Variants in TBC1D17 observed in about 807,000 individuals in gnomAD.
TBC1D17 encodes the protein TBC1 domain family member 17.
A neutral mutation model predicts 78.8 loss-of-function variants in TBC1D17; 69 were observed. The observed-to-expected ratio is 0.88, with a 90% CI of 0.72 to 1.07. The LOEUF is 1.07. Among genes scored for constraint, TBC1D17 ranks in the 50% least tolerant of loss-of-function variants. The pLI is 0.00. For missense variants in TBC1D17, 957 were observed against 861.0 expected (o/e 1.11, Z -1.39); for synonymous variants, 456 against 358.3 (o/e 1.27, Z -3.08).
chr19:49,887,171 G>T, intron 13 of TBC1D17: 1 of 404,292 alleles, frequency 2.5e-6, no homozygotes, highest in Non-Finnish European at 4.7e-6. Context: ...GTATCTAGGA[G>T]TGTCAGTTCC....
At chr19:49,885,974 CAAAA>C (rs972298479) in intron 13 of TBC1D17, among the ~76,000 whole-genome samples, 5 of 43,538 alleles carry the variant, frequency 1.1e-4, no homozygotes, top group South Asian at 7.9e-4. Flanking sequence ...GACCTTGCCT[CAAAA>C]AAAAAAAAAA....
chr19:49,880,894 C>T (rs2075006845), intron 4 of TBC1D17, among the ~76,000 whole-genome samples: 1 of 152,152 alleles, frequency 6.6e-6, no homozygotes, highest in South Asian at 2.1e-4. Context: ...GGCAGGCGGC[C>T]CCCGTGTGTT....
At position 49,887,753 on chromosome 19, in the gene TBC1D17, C is replaced by T; in HGVS notation, c.1578C>T (p.His526=). ...CAGGGCTCCCTGGCCCCAATCTGCA[C>T]CTGCTGGTGGCCTGCGCCATCCTGG... ...LWTGLPGPNL[H]LLVACAILDM... is the part of the protein sequence containing the mutation. The change falls in exon 15 of 17, where the codon CAC becomes CAT. Residue 526 remains histidine (H), a synonymous_variant. Coordinates refer to ENST00000221543, the MANE Select transcript of TBC1D17 (RefSeq NM_024682.3). 1 of 1,613,682 alleles carries T rather than the reference C, an allele frequency of 6.2e-7. No homozygotes were observed. The highest frequency in any genetic ancestry group is 8.5e-7 in the Non-Finnish European group (1 of 1,179,934).
intron 3 of TBC1D17, chr19:49,879,048 C>G (rs1454401902): frequency 6.3e-6 from 1 of 157,632 alleles, no homozygotes; most frequent in Non-Finnish European, 1.4e-5. Context: ...CACCTAAGCC[C>G]TGACCCTTAC....
chr19:49,882,287 C>T lies in TBC1D17; in HGVS notation c.685C>T (p.Arg229Ter), dbSNP rs1444014043. Residue 229 changes from arginine (R) to a stop codon, truncating the protein, a stop_gained, in exon 7 of 17, where the codon CGA becomes TGA. Coordinates refer to ENST00000221543, the MANE Select transcript of TBC1D17 (RefSeq NM_024682.3). LOFTEE classifies it high-confidence loss of function. ...CTCCACCACCTTCAGCAGCTTCTCC[C>T]GAGTGACCAACTTCTTCCGGGGTGC... ...PYSTTFSSFS[R>*]VTNFFRGALQ... is the part of the protein sequence containing the mutation. 2.5e-6 allele frequency: 4 copies of T among 1,612,236 alleles called. No homozygotes were observed. The highest frequency in any genetic ancestry group is 2.5e-6 in the Non-Finnish European group (3 of 1,180,000).
At position 49,887,822 on chromosome 19, in the gene TBC1D17, T is replaced by C; in HGVS notation, c.1647T>C (p.Asn549=). ...DTLMLSGFGS[N]EILKHINELT... ...TCATGCTGTCCGGCTTCGGCTCCAA[T>C]GAGATCCTCAAGGTGAGGCTCCGGC... Residue 549 remains asparagine, a synonymous_variant, in exon 15 of 17, where the codon AAT becomes AAC. Transcript: ENST00000221543. 3 of 1,609,726 alleles carry C rather than the reference T, an allele frequency of 1.9e-6. No individual in the cohort carries two copies. The highest frequency in any genetic ancestry group is 2.5e-6 in the Non-Finnish European group (3 of 1,178,610).
chr19:49,877,994 C>G (rs191131513), intron 1 of TBC1D17, 149 bp from the exon 2 acceptor site: 78 of 761,342 alleles, frequency 1.0e-4, no homozygotes, highest in Admixed American at 3.2e-4. Flanking sequence ...CGAACGCGGG[C>G]TGGACCATTC....
chr19:49,882,438 G>C, intron 7 of TBC1D17, 38 bp downstream of exon 7: 3 of 1,579,476 alleles, frequency 1.9e-6, no homozygotes, highest in Non-Finnish European at 2.6e-6. Context: ...ATTTCTGGCC[G>C]TGTCTCCCTG....
Position 49,878,529 on chromosome 19 carries a change from T to A in TBC1D17, c.152T>A (p.Val51Glu), listed in dbSNP as rs1258476854. The A allele has an allele frequency of 1.2e-6, 2 of 1,614,158 alleles. No individual in the cohort carries two copies. The highest frequency in any genetic ancestry group is 2.2e-5 in the East Asian group (1 of 44,886). Residue 51 changes from valine (V) to glutamate (E), a missense_variant, in exon 3 of 17, where the codon GTA becomes GAA. Coordinates refer to ENST00000221543, the MANE Select transcript of TBC1D17 (RefSeq NM_024682.3). ...GACGTCCTCCTGCACTGGGCTCCTG[T>A]AGAGGAGGCTGGAGATTCCACCCAA... ...DNDVLLHWAPVEEAGDSTQIL... is the reference protein window; with the variant it reads ...DNDVLLHWAPEEEAGDSTQIL...
intron 10 of TBC1D17, 141 bp downstream of exon 10, chr19:49,883,886 G>A: frequency 1.4e-6 from 1 of 725,674 alleles, no homozygotes; most frequent in South Asian, 1.7e-5. Context: ...AAAGCTGCAT[G>A]GGCTGTTGGG....
chr19:49,882,452 G>A (rs369997414), intron 7 of TBC1D17, 52 bp downstream of exon 7: 402 of 1,566,174 alleles, frequency 2.6e-4, no homozygotes, highest in Non-Finnish European at 3.2e-4. Context: ...CTCCCTGGGC[G>A]CATGATTTCA....
In TBC1D17 at chr19:49,887,921, T is replaced by C. The variant is rs951669582; in HGVS notation, c.1659+87T>C. 5 of 1,177,378 alleles carry C rather than the reference T, an allele frequency of 4.2e-6. No individual in the cohort carries two copies. The African/African-American group carries it at 7.7e-5, about 18-fold the overall frequency. The allele number at this position is 1,177,378 out of a possible 1,614,324, so 72.9% of individuals were successfully genotyped here. ...GTACCTCCGGGGAGCAGGTGTTTAG[T>C]GTGGGATTATTGAAAGCCTGGTTAG... On this transcript the variant is annotated intron_variant, in intron 15 of 16. Transcript: ENST00000221543.
chr19:49,878,420 G>C, intron 2 of TBC1D17, 78 bp from the exon 3 acceptor site: 3 of 1,460,816 alleles, frequency 2.1e-6, no homozygotes, highest in South Asian at 2.3e-5. Flanking sequence ...AACTGGGAAA[G>C]TTTGGAAATT....
Position 49,887,522 on chromosome 19 carries a change from C to G in TBC1D17, c.1491C>G (p.Leu497=), listed in dbSNP as rs377033724. ...GSLCFCFRWL[L]IWFKREFPFP... is the part of the protein sequence containing the mutation. ...TCTGCTTCTGTTTCCGGTGGCTGCT[C>G]ATCTGGTTCAAGAGGGAATTCCCCT... The change falls in exon 14 of 17, where the codon CTC becomes CTG. Residue 497 remains leucine (L), a synonymous_variant. Transcript: ENST00000221543. 1 of 1,614,050 alleles carries G rather than the reference C, an allele frequency of 6.2e-7. No homozygotes were observed. The highest frequency in any genetic ancestry group is 1.3e-5 in the African/African-American group (1 of 74,950).
chr19:49,878,575 A>G lies in TBC1D17; in HGVS notation c.195+3A>G, dbSNP rs1390511034. 6.2e-7 allele frequency: 1 copy of G among 1,613,942 alleles called. No individual in the cohort carries two copies. Among genetic ancestry groups the G allele is most frequent in the Admixed American group, 1.7e-5 (1 of 60,020 alleles). On this transcript the variant is annotated splice_donor_region_variant and intron_variant, in intron 3 of 16. Transcript: ENST00000221543. ...CCCAAATCCTCTTCTCCAAGAAGGT[A>G]GGCTCCACCCGCTTTGCCCTTCTCC...
chr19:49,878,309 G>T, intron 2 of TBC1D17, 68 bp downstream of exon 2: 1 of 1,452,506 alleles, frequency 6.9e-7, no homozygotes, highest in South Asian at 1.2e-5. Context: ...GATGCAGGCG[G>T]CAGCTGTAGG....
rs2075070828 is a variant in TBC1D17 at position 49,887,707 on chromosome 19, C to T, written c.1543-11C>T. On this transcript the variant is annotated splice_polypyrimidine_tract_variant and intron_variant, in intron 14 of 16. Coordinates refer to ENST00000221543, the MANE Select transcript of TBC1D17 (RefSeq NM_024682.3). ...ATGACCTCCCTCCCTCCCTCTGTCC[C>T]GCACCCTCAGGTGCTGTGGACAGGG... 1.2e-6 allele frequency: 2 copies of T among 1,613,018 alleles called. No individual in the cohort carries two copies. The highest frequency in any genetic ancestry group is 1.7e-5 in the Admixed American group (1 of 60,006).
At chr19:49,878,922 A>G (rs2122420434) in intron 3 of TBC1D17, 1 of 267,138 alleles carries the variant, frequency 3.7e-6, no homozygotes, top group South Asian at 5.2e-5. Flanking sequence ...CTGACAGCCT[A>G]CTCACCCACT....
chr19:49,884,268 G>T lies in TBC1D17; in HGVS notation c.1142G>T (p.Arg381Leu), dbSNP rs752694367. ...GTCCCCGCAGAAAGGGATGTGAGCC[G>T]CACTGACAGGACCAACAAGTTCTAC... ...YRSLIERDVSRTDRTNKFYEG... is the reference protein window; with the variant it reads ...YRSLIERDVSLTDRTNKFYEG... Residue 381 changes from arginine (R) to leucine (L), a missense_variant, in exon 11 of 17, where the codon CGC (arginine) becomes CTC (leucine). Arg to Leu is a moderately radical substitution (Grantham distance 102). Transcript: ENST00000221543. 3 of 1,613,864 alleles carry T rather than the reference G, an allele frequency of 1.9e-6. No individual in the cohort carries two copies. Among genetic ancestry groups the T allele is most frequent in the Non-Finnish European group, 2.5e-6 (3 of 1,180,006 alleles).
Sources: allele counts gnomAD v4.1 joint callset (sites outside exome capture counted in the v4.1 genomes callset), GRCh38; gene constraint gnomAD v4.1.1; transcripts MANE v1.5; gene names NCBI Gene and HGNC (gene_info 2026-07-23, HGNC 2026-07-21).